SIRPD: variants seen among roughly 807,000 people sequenced by gnomAD.
SIRPD encodes the protein signal regulatory protein delta.
In SIRPD, 21 loss-of-function variants were observed where a neutral mutation model predicts 18.0. The ratio of observed to expected loss-of-function variants is 1.17; its 90% confidence interval spans 0.83 to 1.68. The LOEUF (loss-of-function observed/expected upper bound fraction) is 1.68, where lower values mean the gene tolerates loss of function less well. Among genes scored for constraint, SIRPD ranks in the 40% most tolerant of loss-of-function variants. The pLI is 0.00. For synonymous variants in SIRPD, 106 were observed against 92.9 expected, an observed-to-expected ratio of 1.14 and a Z score of -0.81; for missense variants, 295 against 238.4, an observed-to-expected ratio of 1.24 and a Z score of -1.56.
At chr20:1,545,737 T>C (rs1340092122) in intron 2 of SIRPD, among the ~76,000 whole-genome samples, 1 of 152,238 alleles carries the variant, frequency 6.6e-6, no homozygotes, top group African/African-American at 2.4e-5. Context: ...CGCTGTTTTT[T>C]CCTCATTTTC....
chr20:1,553,703 G>T (rs2091028666), intron 1 of SIRPD, among the ~76,000 whole-genome samples: 2 of 152,084 alleles, frequency 1.3e-5, no homozygotes, highest in African/African-American at 4.8e-5. Context: ...CTATGTCATT[G>T]GGTTCTGGTG....
intron 2 of SIRPD, among the ~76,000 whole-genome samples, chr20:1,537,898 G>A (rs895766929): frequency 3.3e-5 from 5 of 152,080 alleles, no homozygotes; most frequent in African/African-American, 1.2e-4. Context: ...GGGGTGCAGG[G>A]CCTTAGTGTG....
At chr20:1,551,567 A>G in intron 2 of SIRPD, 124 bp downstream of exon 2, 1 of 773,402 alleles carries the variant, frequency 1.3e-6, no homozygotes, top group Non-Finnish European at 2.0e-6. Flanking sequence ...AGAATTAAAA[A>G]GATCAAATGT....
intron 2 of SIRPD, 25 bp from the exon 3 acceptor site, chr20:1,537,335 G>C (rs1378606642): frequency 6.2e-7 from 1 of 1,605,368 alleles, no homozygotes; most frequent in Non-Finnish European, 8.5e-7. Context: ...AAAACTATGT[G>C]TTCCATGATA....
At chr20:1,539,596 C>A (rs1337821318) in intron 2 of SIRPD, among the ~76,000 whole-genome samples, 1 of 152,188 alleles carries the variant, frequency 6.6e-6, no homozygotes, top group Non-Finnish European at 1.5e-5. Context: ...TTATCTCCAG[C>A]TCCTGGCATT....
chr20:1,539,835 G>T (rs1282559866), intron 2 of SIRPD, among the ~76,000 whole-genome samples: 1 of 152,206 alleles, frequency 6.6e-6, no homozygotes, highest in Admixed American at 6.5e-5. Flanking sequence ...TGCCCGCAAG[G>T]ATCTGAGGCC....
At chr20:1,535,922 C>A (rs141423292) in intron 3 of SIRPD, among the ~76,000 whole-genome samples, 67 of 152,276 alleles carry the variant, frequency 4.4e-4, no homozygotes, top group South Asian at 1.2e-3. Flanking sequence ...ATGGGCTTTC[C>A]ATTCTTAACT....
chr20:1,536,400 TC>T (rs1204155013), intron 3 of SIRPD, among the ~76,000 whole-genome samples: 4 of 44,722 alleles, frequency 8.9e-5, no homozygotes, highest in Non-Finnish European at 1.6e-4. Context: ...CCCCGGCCTG[TC>T]GTTTTTTTTT....
At chr20:1,540,275 T>C in intron 2 of SIRPD, 1 of 456,056 alleles carries the variant, frequency 2.2e-6, no homozygotes, top group South Asian at 1.5e-5. Context: ...GTTCTGCTGA[T>C]GCCTTGATTT....
chr20:1,552,140 C>A (rs149087449), intron 1 of SIRPD, 102 bp from the exon 2 acceptor site: 3 of 940,808 alleles, frequency 3.2e-6, no homozygotes, highest in East Asian at 2.5e-5. Flanking sequence ...TAATGACATG[C>A]GCAAATGCCC....
At chr20:1,548,673 T>G (rs2091005146) in intron 2 of SIRPD, among the ~76,000 whole-genome samples, 1 of 152,162 alleles carries the variant, frequency 6.6e-6, no homozygotes, top group South Asian at 2.1e-4. Context: ...TCCATTATTT[T>G]TGGGCCAGTT....
At chr20:1,548,897 A>G (rs1415716570) in intron 2 of SIRPD, among the ~76,000 whole-genome samples, 1 of 151,988 alleles carries the variant, frequency 6.6e-6, no homozygotes, top group Non-Finnish European at 1.5e-5. Flanking sequence ...GTTTTCAGCT[A>G]TTCTTTCTTT....
chr20:1,551,495 T>C (rs2091018815), intron 2 of SIRPD, among the ~76,000 whole-genome samples, 196 bp downstream of exon 2: 1 of 152,198 alleles, frequency 6.6e-6, no homozygotes, highest in East Asian at 1.9e-4. Context: ...TTATCACTCA[T>C]CACTCAACCT....
rs145931462 is a variant in SIRPD, at chr20:1,556,432, A to G, written c.73+1149T>C. ...CAGATATAAATGCAGTACATAAACC[A>G]ACAAAGAATATATCTAAGTTATTAA... On this transcript the variant is annotated intron_variant, in intron 1 of 3. Coordinates refer to ENST00000381623, the MANE Select transcript of SIRPD (RefSeq NM_178460.3). Among the ~76,000 whole-genome samples the G allele has an allele frequency of 1.1e-3, 164 of 152,376 alleles. No individual in the cohort carries two copies. In the Middle Eastern group the frequency reaches 0.024, roughly 22 times the overall value.
chr20:1,542,671 C>G (rs2123125174), intron 2 of SIRPD, among the ~76,000 whole-genome samples: 1 of 152,310 alleles, frequency 6.6e-6, no homozygotes, highest in South Asian at 2.1e-4. Flanking sequence ...ACTTCCCATA[C>G]TATGTTGAAT....
chr20:1,535,975 T>A (rs971208323), intron 3 of SIRPD, among the ~76,000 whole-genome samples: 1 of 152,182 alleles, frequency 6.6e-6, no homozygotes, highest in Non-Finnish European at 1.5e-5. Context: ...AACCTGGTGA[T>A]TCTAGGAAGC....
At chr20:1,549,937 T>A (rs1199766055) in intron 2 of SIRPD, among the ~76,000 whole-genome samples, 1 of 152,208 alleles carries the variant, frequency 6.6e-6, no homozygotes, top group South Asian at 2.1e-4. Context: ...GGCATAAATT[T>A]GGTACATTTC....
At chr20:1,544,482 C>T (rs1372267652) in intron 2 of SIRPD, among the ~76,000 whole-genome samples, 2 of 149,992 alleles carry the variant, frequency 1.3e-5, no homozygotes, top group Non-Finnish European at 3.0e-5. Flanking sequence ...AGATCTTCCT[C>T]CATCCCTTTA....
At chr20:1,551,558 G>T (rs1052868660) in intron 2 of SIRPD, 133 bp downstream of exon 2, 104 of 733,000 alleles carry the variant, frequency 1.4e-4, no homozygotes, top group Non-Finnish European at 2.0e-4. Context: ...CTTGCTGAGA[G>T]AATTAAAAAG....
Sources: allele counts gnomAD v4.1 joint callset (sites outside exome capture counted in the v4.1 genomes callset), GRCh38; gene constraint gnomAD v4.1.1; transcripts MANE v1.5; gene names NCBI Gene and HGNC (gene_info 2026-07-23, HGNC 2026-07-21).